LRRFIP1: variants seen among roughly 807,000 people sequenced by gnomAD.
LRRFIP1 encodes LRR binding FLII interacting protein 1.
In LRRFIP1, 62 loss-of-function variants were observed where a neutral mutation model predicts 104.4. The ratio of observed to expected loss-of-function variants is 0.59; its 90% confidence interval spans 0.48 to 0.73. The LOEUF (loss-of-function observed/expected upper bound fraction) is 0.73, where lower values mean the gene tolerates loss of function less well. Among genes scored for constraint, LRRFIP1 ranks in the 30% least tolerant of loss-of-function variants. The pLI, the probability that LRRFIP1 is intolerant of heterozygous loss-of-function variation, is 0.00. For synonymous variants in LRRFIP1, 300 were observed against 299.0 expected (o/e 1.00, Z -0.03); for missense variants, 796 against 824.5 (o/e 0.97, Z 0.42).
chr2:237,630,890 C>T (rs1433366458), intron 1 of LRRFIP1, among the ~76,000 whole-genome samples: 1 of 152,204 alleles, frequency 6.6e-6, no homozygotes, highest in Non-Finnish European at 1.5e-5. Flanking sequence ...CACTGTGGAG[C>T]CCACACACCG....
chr2:237,633,977 A>T (rs1161698462), intron 1 of LRRFIP1, among the ~76,000 whole-genome samples: 1 of 152,202 alleles, frequency 6.6e-6, no homozygotes, highest in East Asian at 1.9e-4. Flanking sequence ...TGTATCTCTC[A>T]TCTTCTTTTT....
intron 1 of LRRFIP1, among the ~76,000 whole-genome samples, chr2:237,698,323 C>G (rs761810565): frequency 6.6e-6 from 1 of 152,184 alleles, no homozygotes; most frequent in African/African-American, 2.4e-5. Context: ...GTTCAAAAAC[C>G]GAGTAACTTA....
chr2:237,744,748 G>A (rs1350147328), intron 11 of LRRFIP1, among the ~76,000 whole-genome samples: 3 of 152,236 alleles, frequency 2.0e-5, no homozygotes, highest in African/African-American at 4.8e-5. Flanking sequence ...TTTTCACCCT[G>A]ACCTGAAATG....
intron 3 of LRRFIP1, among the ~76,000 whole-genome samples, chr2:237,715,654 T>C (rs770318789): frequency 2.0e-5 from 3 of 152,234 alleles, no homozygotes; most frequent in Non-Finnish European, 4.4e-5. Flanking sequence ...ATTGCTGAGA[T>C]GTCTGGGGAG....
intron 1 of LRRFIP1, among the ~76,000 whole-genome samples, chr2:237,657,904 A>G (rs1040377052): frequency 3.9e-5 from 6 of 152,334 alleles, no homozygotes; most frequent in African/African-American, 9.6e-5. Flanking sequence ...AAGCTCGGTG[A>G]TAGCACTGAA....
intron 1 of LRRFIP1, among the ~76,000 whole-genome samples, chr2:237,684,883 TC>T (rs2149681089): frequency 1.3e-5 from 2 of 150,644 alleles, no homozygotes; most frequent in East Asian, 3.9e-4. Context: ...GCCCAGGAGT[TC>T]AAGATCACCC....
At position 237,779,655 on chromosome 2, in the gene LRRFIP1, C is replaced by A; in HGVS notation, c.*123C>A. Reference sequence around the variant, plus strand: ...TCCGAGAGACGAAGACCGTGGCGAGCTTGGCGCTTAGGGGCTCCCGTGCCA... The same window carrying A: ...TCCGAGAGACGAAGACCGTGGCGAGATTGGCGCTTAGGGGCTCCCGTGCCA... On this transcript the variant is annotated 3_prime_UTR_variant, in exon 24 of 24. Transcript: ENST00000308482. 1 of 878,364 alleles carries A rather than the reference C, an allele frequency of 1.1e-6. No homozygotes were observed. The highest frequency in any genetic ancestry group is 1.7e-6 in the Non-Finnish European group (1 of 578,750). 54.4% of individuals were successfully genotyped at this position (878,364 alleles called of 1,614,324 possible). A position where few individuals can be genotyped will look rare whatever the true frequency, so the allele number is the denominator to read the frequency against.
intron 16 of LRRFIP1, 134 bp from the exon 17 acceptor site, chr2:237,757,317 TGACAA>T: frequency 1.8e-6 from 1 of 542,506 alleles, no homozygotes; most frequent in Non-Finnish European, 3.3e-6. Context: ...CCTAGAATGC[TGACAA>T]TGAGTTCAGG....
intron 1 of LRRFIP1, chr2:237,684,195 A>G (rs2092130875): frequency 6.7e-6 from 1 of 148,650 alleles, no homozygotes; most frequent in Non-Finnish European, 1.5e-5. Flanking sequence ...TTTTTGGCCA[A>G]GTATAGTGGC....
At chr2:237,733,531 A>G (rs2095107380) in intron 8 of LRRFIP1, among the ~76,000 whole-genome samples, 2 of 152,292 alleles carry the variant, frequency 1.3e-5, no homozygotes, top group Middle Eastern at 3.4e-3. Context: ...ATCGTGTTTT[A>G]AAGATGCTGG....
At chr2:237,671,936 A>G (rs1444903452) in intron 1 of LRRFIP1, among the ~76,000 whole-genome samples, 1 of 149,854 alleles carries the variant, frequency 6.7e-6, no homozygotes, top group African/African-American at 2.5e-5. Context: ...CCCGTCTGGC[A>G]ACATCTTTTC....
At chr2:237,692,671 A>G in intron 1 of LRRFIP1, 1 of 1,139,174 alleles carries the variant, frequency 8.8e-7, no homozygotes, top group Non-Finnish European at 1.2e-6. Context: ...GAGCGGGCGC[A>G]GTGGGCGCGG....
intron 19 of LRRFIP1, chr2:237,765,467 G>C: frequency 2.0e-6 from 1 of 511,202 alleles, no homozygotes; most frequent in Non-Finnish European, 2.5e-6. Context: ...AAAAGTTTTT[G>C]AACCTTAAAA....
chr2:237,719,718 ATAT>A (rs2150160307), intron 5 of LRRFIP1, 151 bp downstream of exon 5: 1 of 545,960 alleles, frequency 1.8e-6, no homozygotes, highest in African/African-American at 1.9e-5. Context: ...TAGAATACTG[ATAT>A]TATTACCTAA....
chr2:237,747,785 A>G (rs1219974107), intron 11 of LRRFIP1, among the ~76,000 whole-genome samples: 1 of 152,050 alleles, frequency 6.6e-6, no homozygotes, highest in Non-Finnish European at 1.5e-5. Flanking sequence ...GAGTTTTTAG[A>G]CAAACTCAAC....
intron 1 of LRRFIP1, among the ~76,000 whole-genome samples, chr2:237,638,079 A>C (rs950081023): frequency 6.6e-6 from 1 of 152,224 alleles, no homozygotes; most frequent in Non-Finnish European, 1.5e-5. Context: ...AGATGATTCC[A>C]GCACATTACA....
chr2:237,742,434 C>G (rs576590342), intron 11 of LRRFIP1, among the ~76,000 whole-genome samples: 6 of 152,290 alleles, frequency 3.9e-5, no homozygotes, highest in African/African-American at 1.4e-4. Context: ...GCAGAGAGGT[C>G]TCTGTAGAGT....
Position 237,756,125 on chromosome 2 carries a change from A to T in LRRFIP1, c.1069A>T (p.Ile357Leu). 6.2e-7 allele frequency: 1 copy of T among 1,614,076 alleles called. No individual in the cohort carries two copies. The highest frequency in any genetic ancestry group is 8.5e-7 in the Non-Finnish European group (1 of 1,179,970). Residue 357 changes from isoleucine (I) to leucine (L), a missense_variant, in exon 16 of 24, where the codon ATA becomes TTA. Physicochemically the swap from Ile to Leu is conservative, Grantham distance 5. Coordinates refer to ENST00000308482, the MANE Select transcript of LRRFIP1 (RefSeq NM_001137550.2). ...TGAAAGGGAAAAACACGCCCACAGT[A>T]TACTGCAATTTCAGTTTGCTGAAGT... ...EFEREKHAHS[I>L]LQFQFAEVKE...
intron 23 of LRRFIP1, among the ~76,000 whole-genome samples, chr2:237,775,746 G>A (rs1028578079): frequency 1.3e-5 from 2 of 152,144 alleles, no homozygotes; most frequent in African/African-American, 4.8e-5. Flanking sequence ...GCTGAGGCAG[G>A]AGGATTGCTT....
Sources: allele counts gnomAD v4.1 joint callset (sites outside exome capture counted in the v4.1 genomes callset), GRCh38; gene constraint gnomAD v4.1.1; transcripts MANE v1.5; gene names NCBI Gene and HGNC (gene_info 2026-07-23, HGNC 2026-07-21).